EYA3: variants seen among roughly 807,000 people sequenced by gnomAD.
EYA3 encodes the protein protein phosphatase EYA3.
Under a neutral mutation model 80.0 loss-of-function variants are expected in EYA3, and 39 were observed. That is an observed-to-expected ratio of 0.49 (90% confidence interval 0.38 to 0.64). EYA3 has a LOEUF of 0.64. Among genes scored for constraint, EYA3 ranks in the 30% least tolerant of loss-of-function variants. The pLI is 0.00. For missense variants in EYA3, 523 were observed against 676.1 expected (o/e 0.77, Z 2.51); for synonymous variants, 206 against 232.8 (o/e 0.88, Z 1.05).
intron 16 of EYA3, among the ~76,000 whole-genome samples, chr1:27,986,336 G>T (rs1370167594): frequency 6.6e-6 from 1 of 151,560 alleles, no homozygotes; most frequent in East Asian, 2.0e-4. Context: ...TTGCACTCCA[G>T]CCTGAGCAAC....
intron 1 of EYA3, among the ~76,000 whole-genome samples, chr1:28,085,570 G>T (rs76038074): frequency 0.012 from 1,828 of 152,164 alleles, 34 homozygotes; most frequent in African/African-American, 0.042. Flanking sequence ...CAAATAAAAT[G>T]ACAAAAAAGA....
In EYA3 at chr1:28,086,600, T is replaced by C. The variant is rs146401757; in HGVS notation, c.-69+1924A>G. On this transcript the variant is annotated intron_variant, in intron 1 of 17. Coordinates refer to ENST00000373871, the MANE Select transcript of EYA3 (RefSeq NM_001990.4). ...TTCTATTGTTTTGAAGACAGAGTGA[T>C]TTCCCATCATTTTTGGGGTTTAATG... 2.5e-3 allele frequency among the ~76,000 whole-genome samples: 386 copies of C among 152,368 alleles called. 2 individuals carry two copies. The highest frequency in any genetic ancestry group is 6.1e-3 in the Admixed American group (94 of 15,302).
intron 10 of EYA3, among the ~76,000 whole-genome samples, chr1:28,007,331 T>C (rs1180944076): frequency 6.6e-6 from 1 of 150,992 alleles, no homozygotes; most frequent in African/African-American, 2.4e-5. Flanking sequence ...ATTTCTTTCT[T>C]TCTTTCTTTT....
At position 28,048,367 on chromosome 1, in the gene EYA3, A is replaced by G. The variant is rs532294894; in HGVS notation, c.77+16T>C. The stretch of plus-strand genomic sequence containing the variant: ...CTTATGAGTAGTTCATTAAAAAGAA[A>G]GCAAACTTTACATACCTTATAGTTT... On this transcript the variant is annotated intron_variant, in intron 3 of 17. Coordinates refer to ENST00000373871, the MANE Select transcript of EYA3 (RefSeq NM_001990.4). 1.2e-4 allele frequency: 192 copies of G among 1,581,754 alleles called. 2 individuals are homozygous for G. The South Asian group carries it at 2.2e-3, about 18-fold the overall frequency.
chr1:28,055,462 CTTTTTT>C (rs531586344), intron 2 of EYA3, among the ~76,000 whole-genome samples: 1 of 106,942 alleles, frequency 9.4e-6, no homozygotes, highest in Non-Finnish European at 1.8e-5. Flanking sequence ...TAAAGAAAAT[CTTTTTT>C]TTTTTTTTTT....
At chr1:27,984,145 T>C (rs1309323551) in intron 16 of EYA3, among the ~76,000 whole-genome samples, 1 of 152,128 alleles carries the variant, frequency 6.6e-6, no homozygotes, top group Non-Finnish European at 1.5e-5. Context: ...CAAGTGATCC[T>C]CCCGCCTTAG....
At position 28,013,048 on chromosome 1, in the gene EYA3, G is replaced by A; in HGVS notation, c.769+63C>T. The A allele has an allele frequency of 6.6e-7, 1 of 1,510,440 alleles. No homozygotes were observed. Among genetic ancestry groups the A allele is most frequent in the Non-Finnish European group, 9.0e-7 (1 of 1,110,974 alleles). 93.6% of individuals were successfully genotyped at this position (1,510,440 alleles called of 1,614,324 possible). On this transcript the variant is annotated intron_variant, in intron 9 of 17. Coordinates refer to ENST00000373871, the MANE Select transcript of EYA3 (RefSeq NM_001990.4). This position sits in a 1 kb window ranked among gnomAD's most constrained non-coding sequence, Gnocchi z 4.0. ...ACAGAACAAAATCATCCTTACCATT[G>A]CCTAAAAACAACTGTTGGATGAAGT... is the stretch of plus-strand genomic sequence containing the variant.
At chr1:28,073,127 A>ATATATTTTT (rs1553157671) in intron 1 of EYA3, among the ~76,000 whole-genome samples, 4 of 15,002 alleles carry the variant, frequency 2.7e-4, no homozygotes, top group African/African-American at 9.5e-4. Context: ...ATATATATAT[A>ATATATTTTT]TTTTTTTTTT....
chr1:28,061,776 T>C (rs1644637727), intron 1 of EYA3, among the ~76,000 whole-genome samples: 1 of 152,108 alleles, frequency 6.6e-6, no homozygotes, highest in African/African-American at 2.4e-5. Context: ...ATTTTTTGTA[T>C]TTTTAGTAGA....
rs1641570162 is a variant in EYA3, at chr1:28,009,854, G to C, written c.909+1093C>G. ...GTACAGAGTTTTCATTTGGAATCATGAAAAAGTTCTAGAAATATACAGTGG... is the reference window on the plus strand; with the variant it reads ...GTACAGAGTTTTCATTTGGAATCATCAAAAAGTTCTAGAAATATACAGTGG... On this transcript the variant is annotated intron_variant, in intron 10 of 17. Coordinates refer to ENST00000373871, the MANE Select transcript of EYA3 (RefSeq NM_001990.4). This position sits in a 1 kb window ranked among gnomAD's most constrained non-coding sequence, Gnocchi z 4.8. 6.6e-6 allele frequency among the ~76,000 whole-genome samples: 1 copy of C among 152,114 alleles called. No homozygotes were observed. The highest frequency in any genetic ancestry group is 1.5e-5 in the Non-Finnish European group (1 of 68,008).
rs1386755315 is a variant in EYA3 at position 28,013,243 on chromosome 1, G to A, written c.637C>T (p.Pro213Ser). The change falls in exon 9 of 18, where the codon CCC becomes TCC. Residue 213 changes from proline (P) to serine (S), a missense_variant. Around this residue, in one of 2 missense-constraint regions of EYA3, gnomAD observed 304 missense variants for 343.3 expected, o/e 0.89. Coordinates refer to ENST00000373871, the MANE Select transcript of EYA3 (RefSeq NM_001990.4). The surrounding 1 kb of genome is among the most constrained non-coding windows in gnomAD (Gnocchi z 4.0). ...LGQNQYQACYPSSSFGVTGQT... is the reference protein window; with the variant it reads ...LGQNQYQACYSSSSFGVTGQT... Reference sequence around the variant, plus strand: ...CCTGTGACTCCAAAGCTGGAGCTGGGGTAGCAGGCCTGGTACTGATTCTGA... The same window carrying A: ...CCTGTGACTCCAAAGCTGGAGCTGGAGTAGCAGGCCTGGTACTGATTCTGA... 3.1e-6 allele frequency: 5 copies of A among 1,614,088 alleles called. No individual in the cohort carries two copies. Among genetic ancestry groups the A allele is most frequent in the East Asian group, 2.2e-5 (1 of 44,888 alleles).
chr1:27,998,389 T>C, intron 12 of EYA3: 1 of 814,010 alleles, frequency 1.2e-6, no homozygotes, highest in Non-Finnish European at 1.5e-6. Flanking sequence ...CAATAATTAT[T>C]GGCATGTAGT....
At position 28,054,478 on chromosome 1, in the gene EYA3, A is replaced by G. The variant is rs1192970558; in HGVS notation, c.33+3516T>C. Among the ~76,000 whole-genome samples the G allele has an allele frequency of 2.6e-5, 4 of 152,356 alleles. No individual in the cohort carries two copies. In the East Asian group the frequency reaches 7.7e-4, roughly 29 times the overall value. The stretch of plus-strand genomic sequence containing the variant: ...TAAGCAAGCACCTCAATTATTTTAA[A>G]TAAGTTCTAACCCTCCAGATTCACA... On this transcript the variant is annotated intron_variant, in intron 2 of 17. Transcript: ENST00000373871.
chr1:28,050,359 A>T (rs889661995), intron 2 of EYA3, among the ~76,000 whole-genome samples: 2 of 151,444 alleles, frequency 1.3e-5, no homozygotes, highest in African/African-American at 2.4e-5. Context: ...TGCCCAGCTA[A>T]TTTTGCTATT....
intron 2 of EYA3, among the ~76,000 whole-genome samples, chr1:28,048,775 G>A (rs1233084513): frequency 6.6e-6 from 1 of 152,072 alleles, no homozygotes; most frequent in Admixed American, 6.6e-5. Flanking sequence ...CAGTAAAGAT[G>A]GGAATCTAAG....
At position 28,001,920 on chromosome 1, in the gene EYA3, T is replaced by A. The variant is rs576172050; in HGVS notation, c.994-1871A>T. 5.4e-5 allele frequency among the ~76,000 whole-genome samples: 8 copies of A among 147,576 alleles called. No individual in the cohort carries two copies. The East Asian group carries it at 1.7e-3, about 31-fold the overall frequency. Reference sequence around the variant, plus strand: ...TAATTTTTGAATTTTTATTTTATTTTATTTATTTTTTTGAGACGGAATTTC... The same window carrying A: ...TAATTTTTGAATTTTTATTTTATTTAATTTATTTTTTTGAGACGGAATTTC... On this transcript the variant is annotated intron_variant, in intron 11 of 17. Transcript: ENST00000373871.
At chr1:28,023,903 C>T (rs901391351) in intron 7 of EYA3, among the ~76,000 whole-genome samples, 2 of 152,152 alleles carry the variant, frequency 1.3e-5, no homozygotes, top group African/African-American at 4.8e-5. Flanking sequence ...ACTCTCTGTA[C>T]TGTCTGCTCA....
Position 28,013,256 on chromosome 1 carries a change from G to A in EYA3, c.624C>T (p.Tyr208=). Residue 208 remains tyrosine (Y), a synonymous_variant, in exon 9 of 18, where the codon TAC becomes TAT. Coordinates refer to ENST00000373871, the MANE Select transcript of EYA3 (RefSeq NM_001990.4). This position sits in a 1 kb window ranked among gnomAD's most constrained non-coding sequence, Gnocchi z 4.0. The part of the protein sequence containing the change: ...PTYTILGQNQ[Y]QACYPSSSFG... ...AGCTGGAGCTGGGGTAGCAGGCCTG[G>A]TACTGATTCTGACCAAGAATAGTAT... 1 of 1,614,048 alleles carries A rather than the reference G, an allele frequency of 6.2e-7. No individual in the cohort carries two copies. Among genetic ancestry groups the A allele is most frequent in the South Asian group, 1.1e-5 (1 of 91,064 alleles).
chr1:28,004,412 A>T lies in EYA3; in HGVS notation c.917T>A (p.Phe306Tyr), dbSNP rs183107195. ...SSQDSELERVFLWDLDETIII... is the reference protein window; with the variant it reads ...SSQDSELERVYLWDLDETIII... The stretch of plus-strand genomic sequence containing the variant: ...GATGGTTTCATCCAAGTCCCACAGA[A>T]ATACCCGCTGAGGAAAGAAAATATA... The change falls in exon 11 of 18, where the codon TTT (phenylalanine) becomes TAT (tyrosine). Residue 306 changes from phenylalanine to tyrosine, a missense_variant. Physicochemically the swap from Phe to Tyr is conservative, Grantham distance 22 (BLOSUM62 3). Coordinates refer to ENST00000373871, the MANE Select transcript of EYA3 (RefSeq NM_001990.4). The T allele has an allele frequency of 3.1e-6, 5 of 1,608,122 alleles. No homozygotes were observed. In the African/African-American group the frequency reaches 5.3e-5, roughly 17 times the overall value.
Sources: gnomAD v4.1 joint callset for allele counts (sites outside exome capture counted in the v4.1 genomes callset) on GRCh38, gnomAD v4.1.1 for gene constraint, gnomAD v4.1.1 regional missense constraint, Gnocchi (gnomAD v3.1) non-coding constraint, MANE v1.5 for transcripts, NCBI Gene and HGNC (gene_info 2026-07-23, HGNC 2026-07-21) for gene names.